The following BMPR2 variants were observed in gnomAD, a reference collection of about 807,000 sequenced individuals.
BMPR2 encodes the protein bone morphogenetic protein receptor type-2.
Under a neutral mutation model 100.8 loss-of-function variants are expected in BMPR2, and 29 were observed. The observed-to-expected ratio is 0.29, with a 90% CI of 0.21 to 0.39. The LOEUF (loss-of-function observed/expected upper bound fraction) is 0.39. BMPR2 is among the 10% of genes least tolerant of loss of function. The pLI is 1.00. For missense variants in BMPR2, 1,011 were observed against 1,274.5 expected, an observed-to-expected ratio of 0.79 and a Z score of 3.15; for synonymous variants, 382 against 442.3, an observed-to-expected ratio of 0.86 and a Z score of 1.71.
chr2:202,435,806 T>G (rs919768482), intron 1 of BMPR2, among the ~76,000 whole-genome samples: 2 of 150,452 alleles, frequency 1.3e-5, no homozygotes, highest in Admixed American at 1.3e-4. Context: ...CCTACAGTAT[T>G]CAGTGGAATA....
At chr2:202,517,961 C>T (rs1321197229) in intron 5 of BMPR2, among the ~76,000 whole-genome samples, 1 of 144,922 alleles carries the variant, frequency 6.9e-6, no homozygotes, top group Non-Finnish European at 1.5e-5. Context: ...TACAGGCGCC[C>T]ACCACCACGC....
At chr2:202,513,010 G>A (rs1687652385) in intron 3 of BMPR2, among the ~76,000 whole-genome samples, 1 of 148,910 alleles carries the variant, frequency 6.7e-6, no homozygotes, top group Non-Finnish European at 1.5e-5. Flanking sequence ...CATCACCCAA[G>A]CTGGAGTACA....
intron 1 of BMPR2, among the ~76,000 whole-genome samples, chr2:202,422,510 GT>G (rs1021240040): frequency 3.1e-4 from 47 of 151,756 alleles, no homozygotes; most frequent in African/African-American, 1.1e-3. Flanking sequence ...GTTTCACCGT[GT>G]TAGCCAGGAT....
At chr2:202,553,359 A>G (rs1688514349) in intron 11 of BMPR2, among the ~76,000 whole-genome samples, 1 of 152,060 alleles carries the variant, frequency 6.6e-6, no homozygotes, top group Non-Finnish European at 1.5e-5. Flanking sequence ...TATAGAATAT[A>G]CTACTACTAC....
chr2:202,503,501 G>T lies in BMPR2; in HGVS notation c.419-10218G>T, dbSNP rs1687451145. 6.6e-6 allele frequency among the ~76,000 whole-genome samples: 1 copy of T among 152,232 alleles called. No homozygotes were observed. The highest frequency in any genetic ancestry group is 2.4e-5 in the African/African-American group (1 of 41,458). ...AGCAGCCAGCCCCGGGCAATGAGGG[G>T]CTTAGCACCCAGGCCAGCAGCTGCG... On this transcript the variant is annotated intron_variant, in intron 3 of 12. Coordinates refer to ENST00000374580, the MANE Select transcript of BMPR2 (RefSeq NM_001204.7). This position sits in a 1 kb window ranked among gnomAD's most constrained non-coding sequence, Gnocchi z 4.0.
intron 1 of BMPR2, among the ~76,000 whole-genome samples, chr2:202,418,571 T>C (rs1247100767): frequency 1.3e-5 from 2 of 152,208 alleles, no homozygotes; most frequent in East Asian, 1.9e-4. Flanking sequence ...GCAGAAGTTA[T>C]AGATACCAGT....
chr2:202,433,413 T>G (rs1243583206), intron 1 of BMPR2, among the ~76,000 whole-genome samples: 1 of 150,700 alleles, frequency 6.6e-6, no homozygotes, highest in Admixed American at 6.6e-5. Flanking sequence ...TTTGAGGCAC[T>G]AAGGAAGGCT....
chr2:202,462,409 C>T (rs1316605765), intron 1 of BMPR2, among the ~76,000 whole-genome samples: 6 of 151,904 alleles, frequency 3.9e-5, no homozygotes, highest in African/African-American at 1.5e-4. Flanking sequence ...CTAGTGGAGA[C>T]GGGGTTTCAC....
At chr2:202,439,118 TTAGA>T (rs1691677689) in intron 1 of BMPR2, among the ~76,000 whole-genome samples, 1 of 150,328 alleles carries the variant, frequency 6.7e-6, no homozygotes. Context: ...CTTCATTTGT[TTAGA>T]TAAGATTACT....
chr2:202,457,731 CTT>C (rs1692148632), intron 1 of BMPR2, among the ~76,000 whole-genome samples: 1 of 151,754 alleles, frequency 6.6e-6, no homozygotes, highest in African/African-American at 2.4e-5. Flanking sequence ...GCAAGTTTGA[CTT>C]TTTTGGTTTT....
intron 1 of BMPR2, among the ~76,000 whole-genome samples, chr2:202,437,167 A>C (rs1011222264): frequency 2.7e-4 from 41 of 150,050 alleles, no homozygotes; most frequent in Non-Finnish European, 5.6e-4. Flanking sequence ...CACCACGCCC[A>C]GCTAATTTTT....
intron 4 of BMPR2, among the ~76,000 whole-genome samples, 186 bp downstream of exon 4, chr2:202,514,015 T>C (rs181394157): frequency 2.4e-4 from 36 of 152,268 alleles, no homozygotes; most frequent in African/African-American, 7.9e-4. Flanking sequence ...CCCCTTTCCA[T>C]GCCACTGGAT....
intron 1 of BMPR2, among the ~76,000 whole-genome samples, chr2:202,414,600 C>T (rs1691084750): frequency 6.6e-6 from 1 of 152,184 alleles, no homozygotes; most frequent in African/African-American, 2.4e-5. Flanking sequence ...AGTGTTACTC[C>T]AGTGAATACA....
chr2:202,419,888 C>G (rs1197200312), intron 1 of BMPR2, among the ~76,000 whole-genome samples: 1 of 152,118 alleles, frequency 6.6e-6, no homozygotes, highest in Admixed American at 6.6e-5. Context: ...GCGATTCATG[C>G]CTGTAATACG....
At chr2:202,435,282 T>G (rs188080181) in intron 1 of BMPR2, among the ~76,000 whole-genome samples, 121 of 145,702 alleles carry the variant, frequency 8.3e-4, no homozygotes, top group Admixed American at 1.4e-3. Context: ...GAGAATTGCT[T>G]GAACCCATGA....
intron 1 of BMPR2, among the ~76,000 whole-genome samples, chr2:202,390,369 G>A (rs574678059): frequency 7.0e-6 from 1 of 141,896 alleles, no homozygotes; most frequent in East Asian, 2.1e-4. Context: ...GTCTTGCGCT[G>A]TTGCCCAAGC....
intron 8 of BMPR2, among the ~76,000 whole-genome samples, chr2:202,531,861 T>G (rs554350849): frequency 6.6e-6 from 1 of 151,158 alleles, no homozygotes; most frequent in East Asian, 1.9e-4. Flanking sequence ...GTCCTGACCT[T>G]AGGTGATCCA....
intron 1 of BMPR2, among the ~76,000 whole-genome samples, chr2:202,446,682 T>C (rs1364086085): frequency 2.0e-5 from 3 of 149,340 alleles, no homozygotes; most frequent in Admixed American, 6.6e-5. Flanking sequence ...AACAGAGTCT[T>C]GCTCTGTTGC....
In BMPR2 at chr2:202,399,134, A is replaced by G. The variant is rs1690710102; in HGVS notation, c.76+21584A>G. ...CAAGAGTGAAACTGTCTCAAGAGAA[A>G]AAAAAAAGACAGATCATAAATAAGT... On this transcript the variant is annotated intron_variant, in intron 1 of 12. Transcript: ENST00000374580. Among the ~76,000 whole-genome samples, 10 of 152,292 alleles carry G rather than the reference A, an allele frequency of 6.6e-5. No homozygotes were observed. In the South Asian group the frequency reaches 2.1e-3, roughly 32 times the overall value.
Sources: allele counts gnomAD v4.1 joint callset (sites outside exome capture counted in the v4.1 genomes callset), GRCh38; gene constraint gnomAD v4.1.1; non-coding constraint Gnocchi (gnomAD v3.1); transcripts MANE v1.5; gene names NCBI Gene and HGNC (gene_info 2026-07-23, HGNC 2026-07-21).